Variants in NDUFV1 observed in about 807,000 individuals in gnomAD.
NDUFV1 encodes the protein NADH:ubiquinone oxidoreductase core subunit V1, also known as NADH dehydrogenase [ubiquinone] flavoprotein 1, mitochondrial.
A neutral mutation model predicts 48.7 loss-of-function variants in NDUFV1; 41 were observed. The observed-to-expected ratio is 0.84, with a 90% CI of 0.66 to 1.09. NDUFV1 has a LOEUF of 1.09. Among genes scored for constraint, NDUFV1 ranks in the 50% least tolerant of loss-of-function variants. The pLI is 0.00. For synonymous variants in NDUFV1, 231 were observed against 259.1 expected, an observed-to-expected ratio of 0.89 and a Z score of 1.04; for missense variants, 580 against 645.4, an observed-to-expected ratio of 0.90 and a Z score of 1.10.
chr11:67,609,386 G>C, intron 3 of NDUFV1, 66 bp from the exon 4 acceptor site: 10 of 1,537,934 alleles, frequency 6.5e-6, no homozygotes, highest in Non-Finnish European at 9.0e-6. Flanking sequence ...GTGGAGTGGG[G>C]TGGCATGGAG....
In NDUFV1 at chr11:67,611,046, C is replaced by T; in HGVS notation, c.752C>T (p.Ser251Phe). 1 of 1,614,144 alleles carries T rather than the reference C, an allele frequency of 6.2e-7. No homozygotes were observed. Among genetic ancestry groups the T allele is most frequent in the Non-Finnish European group, 8.5e-7 (1 of 1,179,974 alleles). The change falls in exon 6 of 10, where the codon TCC becomes TTC. Residue 251 changes from serine (S) to phenylalanine (F), a missense_variant. Physicochemically the swap from Ser to Phe is radical, Grantham distance 155. Transcript: ENST00000322776. This position sits in a 1 kb window ranked among gnomAD's most constrained non-coding sequence, Gnocchi z 4.2. ...TVANVETVAV[S>F]PTICRRGGTW... ...GCCAACGTGGAGACAGTGGCAGTGTCCCCCACAATCTGCCGCCGTGGAGGT... is the reference window on the plus strand; with the variant it reads ...GCCAACGTGGAGACAGTGGCAGTGTTCCCCACAATCTGCCGCCGTGGAGGT...
At chr11:67,608,316 G>T (rs1233480616) in intron 1 of NDUFV1, 80 bp from the exon 2 acceptor site, 6 of 1,354,140 alleles carry the variant, frequency 4.4e-6, no homozygotes, top group Non-Finnish European at 6.4e-6. Context: ...TAAATAGGGA[G>T]ACCCAAGATT....
Position 67,609,511 on chromosome 11 carries a change from A to G in NDUFV1, c.386A>G (p.Glu129Gly), listed in dbSNP as rs144291845. 1 of 1,613,454 alleles carries G rather than the reference A, an allele frequency of 6.2e-7. No individual in the cohort carries two copies. Among genetic ancestry groups the G allele is most frequent in the Non-Finnish European group, 8.5e-7 (1 of 1,179,846 alleles). Residue 129 changes from glutamate to glycine, a missense_variant, in exon 4 of 10, where the codon GAG becomes GGG. Physicochemically the swap from Glu to Gly is moderately conservative, Grantham distance 98 (BLOSUM62 -2). Transcript: ENST00000322776. ...EGEPGTCKDR[E>G]ILRHDPHKLL... ...GAGCCGGGCACCTGCAAGGACCGGG[A>G]GATCTTACGCCATGATCCTCACAAG...
In NDUFV1 at chr11:67,608,461, C is replaced by T. The variant is rs200863549; in HGVS notation, c.138C>T (p.Tyr46=). 22 of 1,614,150 alleles carry T rather than the reference C, an allele frequency of 1.4e-5. No individual in the cohort carries two copies. The highest frequency in any genetic ancestry group is 4.5e-5 in the East Asian group (2 of 44,880). ...KDEDRIFTNL[Y]GRHDWRLKGS... ...AAGACCGGATTTTCACCAACCTGTACGGCCGCCATGACTGGAGGTGAGACA... is the reference window on the plus strand; with the variant it reads ...AAGACCGGATTTTCACCAACCTGTATGGCCGCCATGACTGGAGGTGAGACA... The change falls in exon 2 of 10, where the codon TAC becomes TAT. Residue 46 remains tyrosine, a synonymous_variant. Transcript: ENST00000322776.
Position 67,612,140 on chromosome 11 carries a change from G to A in NDUFV1, c.1183G>A (p.Val395Met). The change falls in exon 9 of 10, where the codon GTG (valine) becomes ATG (methionine). Residue 395 changes from valine to methionine, a missense_variant. Val to Met is a conservative substitution (Grantham distance 21). Transcript: ENST00000322776. The surrounding 1 kb of genome is among the most constrained non-coding windows in gnomAD (Gnocchi z 4.4). ...TGCAGGTGTGGACTGGATGAACAAG[G>A]TGATGGCACGTTTCGTGAGGGGGGA... ...CREGVDWMNKVMARFVRGDAR... is the reference protein window; with the variant it reads ...CREGVDWMNKMMARFVRGDAR... The A allele has an allele frequency of 6.2e-7, 1 of 1,613,796 alleles. No homozygotes were observed. The highest frequency in any genetic ancestry group is 1.3e-5 in the African/African-American group (1 of 74,942).
Position 67,610,561 on chromosome 11 carries a change from G to T in NDUFV1, c.691G>T (p.Ala231Ser), listed in dbSNP as rs746063542. 1 of 1,613,976 alleles carries T rather than the reference G, an allele frequency of 6.2e-7. No individual in the cohort carries two copies. The highest frequency in any genetic ancestry group is 2.2e-5 in the East Asian group (1 of 44,878). The change falls in exon 5 of 10, where the codon GCA becomes TCA. Residue 231 changes from alanine to serine, a missense_variant. By Grantham distance (99) the Ala-to-Ser change is moderately conservative. Transcript: ENST00000322776. ...GCCCCGCCTGAAGCCCCCCTTCCCC[G>T]CAGACGTGGGTAAGGCCTGGCGTAA... Reference protein sequence around the residue: ...GKPRLKPPFPADVGVFGCPTT... With the variant: ...GKPRLKPPFPSDVGVFGCPTT...
chr11:67,610,798 C>CT lies in NDUFV1; in HGVS notation c.701-196dup. 5.1e-6 allele frequency: 4 copies of CT among 777,014 alleles called. No individual in the cohort carries two copies. In the South Asian group the frequency reaches 6.6e-5, roughly 13 times the overall value. 48.1% of individuals were successfully genotyped at this position (777,014 alleles called of 1,614,324 possible). A position where few individuals can be genotyped will look rare whatever the true frequency, so the allele number is the denominator to read the frequency against. The stretch of plus-strand genomic sequence containing the variant: ...CTCTGTGGCTCCACCTTCACAGTGC[C>CT]TGTTCTGAGGCTAAGGGCATGGGGT... On this transcript the variant is annotated intron_variant, in intron 5 of 9. Transcript: ENST00000322776.
Position 67,611,642 on chromosome 11 carries a change from C to A in NDUFV1, c.1080+73C>A. 1 of 1,558,500 alleles carries A rather than the reference C, an allele frequency of 6.4e-7. No individual in the cohort carries two copies. The highest frequency in any genetic ancestry group is 8.7e-7 in the Non-Finnish European group (1 of 1,151,350). On this transcript the variant is annotated intron_variant, in intron 7 of 9. Transcript: ENST00000322776. The surrounding 1 kb of genome is among the most constrained non-coding windows in gnomAD (Gnocchi z 4.2). ...CTCCCTCCCTGGGCCTCCCAGAAAA[C>A]CCTCTTGCCAGCACTCAGGTCTCAG...
Position 67,612,504 on chromosome 11 carries a change from T to G in NDUFV1, c.*46T>G. 8 of 1,585,346 alleles carry G rather than the reference T, an allele frequency of 5.0e-6. No individual in the cohort carries two copies. The highest frequency in any genetic ancestry group is 6.9e-6 in the Non-Finnish European group (8 of 1,163,912). On this transcript the variant is annotated 3_prime_UTR_variant, in exon 10 of 10. Coordinates refer to ENST00000322776, the MANE Select transcript of NDUFV1 (RefSeq NM_007103.4). This position sits in a 1 kb window ranked among gnomAD's most constrained non-coding sequence, Gnocchi z 4.4. Reference sequence around the variant, plus strand: ...TCCTGCGTCTATCCATGTGGAATGCTGGACAATAAAGCGAGTGCTGCCCAC... The same window carrying G: ...TCCTGCGTCTATCCATGTGGAATGCGGGACAATAAAGCGAGTGCTGCCCAC...
In NDUFV1 at chr11:67,611,400, C is replaced by G; in HGVS notation, c.914-3C>G. 1.2e-6 allele frequency: 2 copies of G among 1,613,380 alleles called. No homozygotes were observed. The highest frequency in any genetic ancestry group is 1.7e-6 in the Non-Finnish European group (2 of 1,179,956). The stretch of plus-strand genomic sequence containing the variant: ...CCCTTTGGGGACCGACTTGGGGCCC[C>G]AGGGGGTGTCACGGGCGGCTGGGAC... On this transcript the variant is annotated splice_polypyrimidine_tract_variant and splice_region_variant and intron_variant, in intron 6 of 9. Transcript: ENST00000322776. The surrounding 1 kb of genome is among the most constrained non-coding windows in gnomAD (Gnocchi z 4.2).
At chr11:67,609,953 A>C in intron 4 of NDUFV1, 1 of 373,938 alleles carries the variant, frequency 2.7e-6, no homozygotes, top group Non-Finnish European at 4.8e-6. Flanking sequence ...AATATAAACA[A>C]TTCCTATTTG....
Position 67,612,244 on chromosome 11 carries a change from CG to C in NDUFV1, c.1291del (p.Ala431ProfsTer8). 1 of 1,613,848 alleles carries C rather than the reference CG, an allele frequency of 6.2e-7. No individual in the cohort carries two copies. Among genetic ancestry groups the C allele is most frequent in the Non-Finnish European group, 8.5e-7 (1 of 1,179,936 alleles). ...EGHTICALGD[G>X]AAWPVQGLIR... ...GCCATACGATTTGTGCTCTGGGTGACGGGGCCGCCTGGCCTGTGCAGGTATT... is the reference window on the plus strand; with the variant it reads ...GCCATACGATTTGTGCTCTGGGTGACGGGCCGCCTGGCCTGTGCAGGTATT... On this transcript the variant is annotated frameshift_variant, in exon 9 of 10. Coordinates refer to ENST00000322776, the MANE Select transcript of NDUFV1 (RefSeq NM_007103.4). LOFTEE classifies it high-confidence loss of function. This position sits in a 1 kb window ranked among gnomAD's most constrained non-coding sequence, Gnocchi z 4.4.
At position 67,612,067 on chromosome 11, in the gene NDUFV1, C is replaced by G; in HGVS notation, c.1163-53C>G. 1 of 1,613,644 alleles carries G rather than the reference C, an allele frequency of 6.2e-7. No individual in the cohort carries two copies. Among genetic ancestry groups the G allele is most frequent in the East Asian group, 2.2e-5 (1 of 44,822 alleles). The stretch of plus-strand genomic sequence containing the variant: ...TGGCCTGCAGCCCTCAAGCGCCGCC[C>G]CACATCCTGGCTGGGGAGATCATCA... On this transcript the variant is annotated intron_variant, in intron 8 of 9. Coordinates refer to ENST00000322776, the MANE Select transcript of NDUFV1 (RefSeq NM_007103.4). The surrounding 1 kb of genome is among the most constrained non-coding windows in gnomAD (Gnocchi z 4.4).
chr11:67,612,241 TGA>T lies in NDUFV1; in HGVS notation c.1285_1286del (p.Asp429ArgfsTer?). On this transcript the variant is annotated frameshift_variant, in exon 9 of 10. Coordinates refer to ENST00000322776, the MANE Select transcript of NDUFV1 (RefSeq NM_007103.4). LOFTEE classifies it high-confidence loss of function. The surrounding 1 kb of genome is among the most constrained non-coding windows in gnomAD (Gnocchi z 4.4). ...IEGHTICALG[D>X]GAAWPVQGLI... The stretch of plus-strand genomic sequence containing the variant: ...AAGGCCATACGATTTGTGCTCTGGG[TGA>T]CGGGGCCGCCTGGCCTGTGCAGGTA... 1 of 1,613,696 alleles carries T rather than the reference TGA, an allele frequency of 6.2e-7. No homozygotes were observed. The highest frequency in any genetic ancestry group is 2.2e-5 in the East Asian group (1 of 44,778).
chr11:67,608,398 A>G lies in NDUFV1; in HGVS notation c.75A>G (p.Thr25=), dbSNP rs1319359920. Residue 25 remains threonine (T), a splice_region_variant and synonymous_variant, in exon 2 of 10, where the codon ACA becomes ACG. Coordinates refer to ENST00000322776, the MANE Select transcript of NDUFV1 (RefSeq NM_007103.4). ...CTCCTGACCCTTTGTCTCCCTAGAC[A>G]GCACCCAAGAAAACCTCATTTGGCT... ...RVSVRFSGDT[T]APKKTSFGSL... is the part of the protein sequence containing the mutation. 1.9e-6 allele frequency: 3 copies of G among 1,613,952 alleles called. No individual in the cohort carries two copies. The highest frequency in any genetic ancestry group is 2.2e-5 in the East Asian group (1 of 44,870).
intron 5 of NDUFV1, 59 bp downstream of exon 5, chr11:67,610,629 G>A (rs746000600): frequency 8.8e-6 from 14 of 1,588,372 alleles, no homozygotes; most frequent in African/African-American, 1.3e-5. Context: ...GATCTGGCTA[G>A]GCTCCCTTTG....
chr11:67,608,498 G>C lies in NDUFV1; in HGVS notation c.155+20G>C. The C allele has an allele frequency of 6.2e-7, 1 of 1,614,206 alleles. No homozygotes were observed. Among genetic ancestry groups the C allele is most frequent in the Non-Finnish European group, 8.5e-7 (1 of 1,180,032 alleles). On this transcript the variant is annotated intron_variant, in intron 2 of 9. Coordinates refer to ENST00000322776, the MANE Select transcript of NDUFV1 (RefSeq NM_007103.4). ...CTGGAGGTGAGACAGTGCCCTTAGT[G>C]TGTTGGGTCCCGGAGCAAGGTGTCC... is the stretch of plus-strand genomic sequence containing the variant.
In NDUFV1 at chr11:67,611,223, A is replaced by G; in HGVS notation, c.913+16A>G. 1 of 1,609,812 alleles carries G rather than the reference A, an allele frequency of 6.2e-7. No homozygotes were observed. Reference sequence around the variant, plus strand: ...AAGCATGCTGGTAAGGCCTGGGGCCAGCCAGGTGGTGGGGGGGTGCGCAGT... The same window carrying G: ...AAGCATGCTGGTAAGGCCTGGGGCCGGCCAGGTGGTGGGGGGGTGCGCAGT... On this transcript the variant is annotated intron_variant, in intron 6 of 9. Coordinates refer to ENST00000322776, the MANE Select transcript of NDUFV1 (RefSeq NM_007103.4). This position sits in a 1 kb window ranked among gnomAD's most constrained non-coding sequence, Gnocchi z 4.2.
At chr11:67,607,210 G>T in intron 1 of NDUFV1, 134 bp downstream of exon 1, 1 of 1,023,028 alleles carries the variant, frequency 9.8e-7, no homozygotes, top group Non-Finnish European at 1.5e-6. Flanking sequence ...GAAGGCCCCC[G>T]CTCCGGCCTG....
Sources: allele counts gnomAD v4.1 joint callset, GRCh38; gene constraint gnomAD v4.1.1; non-coding constraint Gnocchi (gnomAD v3.1); transcripts MANE v1.5; gene names NCBI Gene and HGNC (gene_info 2026-07-23, HGNC 2026-07-21).